Variants in TNS3 observed in about 807,000 individuals in gnomAD.
The protein encoded by TNS3 is tensin 3.
A neutral mutation model predicts 140.9 loss-of-function variants in TNS3; 45 were observed. The observed-to-expected ratio is 0.32, with a 90% CI of 0.25 to 0.41. The LOEUF (loss-of-function observed/expected upper bound fraction) is 0.41, where lower values mean the gene tolerates loss of function less well. Ranked by LOEUF, TNS3 falls within the 10% of genes least tolerant of loss-of-function variation. The probability of loss-of-function intolerance (pLI) is 1.00; values close to 1 mark genes in which losing one functional copy is unlikely to be tolerated. For missense variants in TNS3, 1,716 were observed against 1,906.7 expected (o/e 0.90, Z 1.86); for synonymous variants, 815 against 788.4 (o/e 1.03, Z -0.56).
At chr7:47,322,787 G>A (rs755158170) in intron 20 of TNS3, among the ~76,000 whole-genome samples, 6 of 152,092 alleles carry the variant, frequency 3.9e-5, no homozygotes, top group East Asian at 1.9e-4. Context: ...AGCCCTACCC[G>A]GGGCATGAAG....
chr7:47,381,135 C>G (rs1791732956), intron 16 of TNS3, among the ~76,000 whole-genome samples: 1 of 152,206 alleles, frequency 6.6e-6, no homozygotes, highest in African/African-American at 2.4e-5. Flanking sequence ...GCCTTCACTC[C>G]TGAGTGTTCT....
chr7:47,518,738 G>A (rs1798866014), intron 2 of TNS3, among the ~76,000 whole-genome samples: 1 of 152,152 alleles, frequency 6.6e-6, no homozygotes, highest in South Asian at 2.1e-4. Context: ...TATCGTATGG[G>A]CATGGTTCAC....
intron 9 of TNS3, among the ~76,000 whole-genome samples, chr7:47,425,494 TGACTTTC>T: frequency 6.6e-6 from 1 of 152,238 alleles, no homozygotes; most frequent in Admixed American, 6.5e-5. Flanking sequence ...GAGTGTGATT[TGACTTTC>T]ACAGAATACT....
intron 17 of TNS3, among the ~76,000 whole-genome samples, chr7:47,361,729 T>G (rs545752753): frequency 6.6e-6 from 1 of 152,294 alleles, no homozygotes; most frequent in African/African-American, 2.4e-5. Flanking sequence ...GCACAGGTTA[T>G]CAGCCATGGG....
chr7:47,350,206 GA>G (rs1375695099), intron 17 of TNS3, among the ~76,000 whole-genome samples: 1 of 152,228 alleles, frequency 6.6e-6, no homozygotes, highest in African/African-American at 2.4e-5. Flanking sequence ...TGTGGTGACA[GA>G]GGGGCCCCTG....
intron 4 of TNS3, among the ~76,000 whole-genome samples, chr7:47,473,994 C>T (rs1237584216): frequency 6.6e-6 from 1 of 152,082 alleles, no homozygotes; most frequent in Non-Finnish European, 1.5e-5. Flanking sequence ...GATGGCAGCA[C>T]GTGACCTGCA....
intron 18 of TNS3, 59 bp downstream of exon 18, chr7:47,346,128 C>T (rs1388690923): frequency 1.3e-6 from 2 of 1,591,126 alleles, no homozygotes; most frequent in Non-Finnish European, 1.7e-6. Flanking sequence ...ACTCGGGGTT[C>T]CAGGACAAGA....
chr7:47,335,965 T>C (rs1255786327), intron 20 of TNS3, among the ~76,000 whole-genome samples: 2 of 152,174 alleles, frequency 1.3e-5, no homozygotes, highest in African/African-American at 4.8e-5. Flanking sequence ...CACTCTGCCG[T>C]GTCCTTTTAG....
At chr7:47,569,986 T>C (rs1247218221) in intron 1 of TNS3, among the ~76,000 whole-genome samples, 1 of 151,276 alleles carries the variant, frequency 6.6e-6, no homozygotes, top group East Asian at 2.0e-4. Context: ...CCCCCTCTAC[T>C]AAAAATATAA....
Position 47,557,014 on chromosome 7 carries a change from G to A in TNS3, c.-265+25037C>T, listed in dbSNP as rs1243661335. 1.3e-5 allele frequency: 6 copies of A among 456,308 alleles called. No individual in the cohort carries two copies. The East Asian group carries it at 4.2e-4, about 32-fold the overall frequency. 28.3% of individuals were successfully genotyped at this position (456,308 alleles called of 1,614,324 possible). ...ACAGACGATAACCAGGAGCAGCGGG[G>A]GCGGGGAGCAACAGAACCTGACCTG... On this transcript the variant is annotated intron_variant, in intron 1 of 30. Transcript: ENST00000311160.
chr7:47,521,570 A>G (rs1209138693), intron 2 of TNS3, among the ~76,000 whole-genome samples: 1 of 152,138 alleles, frequency 6.6e-6, no homozygotes, highest in Non-Finnish European at 1.5e-5. Flanking sequence ...GTCACTGGCC[A>G]TGGATAGTTC....
chr7:47,575,987 C>G (rs933595076), intron 1 of TNS3, among the ~76,000 whole-genome samples: 13 of 152,078 alleles, frequency 8.5e-5, no homozygotes, highest in Non-Finnish European at 1.5e-4. Flanking sequence ...TCCCTTAGCA[C>G]CTACCCAAGA....
At chr7:47,405,663 A>C in intron 13 of TNS3, 2 of 688,284 alleles carry the variant, frequency 2.9e-6, no homozygotes, top group Non-Finnish European at 5.3e-6. Context: ...CCAGTCTAAA[A>C]GGGAGAGGAA....
intron 4 of TNS3, among the ~76,000 whole-genome samples, chr7:47,449,614 G>A (rs183845228): frequency 7.9e-5 from 12 of 152,106 alleles, no homozygotes; most frequent in Admixed American, 7.2e-4. Context: ...TTTTGTTTTT[G>A]TTTGTTTGTT....
At chr7:47,438,641 A>C (rs1362080759) in intron 6 of TNS3, among the ~76,000 whole-genome samples, 1 of 152,110 alleles carries the variant, frequency 6.6e-6, no homozygotes, top group Non-Finnish European at 1.5e-5. Context: ...GTCAGGACCC[A>C]GGTAGCACCT....
intron 5 of TNS3, 48 bp downstream of exon 5, chr7:47,441,955 G>A (rs562157011): frequency 8.0e-7 from 1 of 1,254,020 alleles, no homozygotes; most frequent in East Asian, 5.6e-5. Flanking sequence ...GTAGAGAGCT[G>A]ACCTACAGCC....
At chr7:47,534,080 C>CG (rs149969585) in intron 1 of TNS3, among the ~76,000 whole-genome samples, 3 of 152,124 alleles carry the variant, frequency 2.0e-5, no homozygotes, top group East Asian at 1.9e-4. Flanking sequence ...TCAAGACCAG[C>CG]CTGGCCAACA....
At chr7:47,530,379 C>T (rs1799348333) in intron 1 of TNS3, among the ~76,000 whole-genome samples, 1 of 152,078 alleles carries the variant, frequency 6.6e-6, no homozygotes, top group African/African-American at 2.4e-5. Context: ...AAACAAGCAT[C>T]AGTAAGCTGT....
At chr7:47,472,951 C>T (rs564169097) in intron 4 of TNS3, among the ~76,000 whole-genome samples, 18 of 152,182 alleles carry the variant, frequency 1.2e-4, no homozygotes, top group Non-Finnish European at 2.4e-4. Context: ...GAGAAACAGA[C>T]GGACTTACAG....
Sources: gnomAD v4.1 joint callset for allele counts (sites outside exome capture counted in the v4.1 genomes callset) on GRCh38, gnomAD v4.1.1 for gene constraint, MANE v1.5 for transcripts, NCBI Gene and HGNC (gene_info 2026-07-23, HGNC 2026-07-21) for gene names.